CTNNA3: variants seen among roughly 807,000 people sequenced by gnomAD.
The protein encoded by CTNNA3 is catenin alpha 3, also known as catenin alpha-3.
In CTNNA3, 76 loss-of-function variants were observed where a neutral mutation model predicts 95.7. The ratio of observed to expected loss-of-function variants is 0.79; its 90% CI spans 0.66 to 0.96. CTNNA3 has a LOEUF of 0.96. CTNNA3 is among the 40% of genes least tolerant of loss of function. CTNNA3 has a pLI of 0.00. For missense variants in CTNNA3, 1,191 were observed against 1,089.8 expected (o/e 1.09, Z -1.31); for synonymous variants, 431 against 374.4 (o/e 1.15, Z -1.74).
At chr10:66,506,036 T>C (rs980901225) in intron 11 of CTNNA3, among the ~76,000 whole-genome samples, 10 of 152,160 alleles carry the variant, frequency 6.6e-5, no homozygotes, top group African/African-American at 2.4e-4. Flanking sequence ...CTTCCACTCA[T>C]GGCAGAAGGT....
At chr10:66,687,712 T>C (rs1000653692) in intron 9 of CTNNA3, among the ~76,000 whole-genome samples, 31 of 96,746 alleles carry the variant, frequency 3.2e-4, no homozygotes, top group South Asian at 6.4e-4. Context: ...TATATATATA[T>C]ATATATACAC....
At chr10:66,913,217 C>A (rs1323175053) in intron 7 of CTNNA3, among the ~76,000 whole-genome samples, 1 of 103,590 alleles carries the variant, frequency 9.7e-6, no homozygotes, top group Non-Finnish European at 1.7e-5. Flanking sequence ...CCGGCCTGGG[C>A]GAAAGAGCGA....
At chr10:66,381,813 C>T (rs35823373) in intron 11 of CTNNA3, among the ~76,000 whole-genome samples, 64 of 152,204 alleles carry the variant, frequency 4.2e-4, no homozygotes, top group Non-Finnish European at 6.2e-4. Flanking sequence ...AGTCATGGTC[C>T]AATCTCAACA....
At chr10:67,030,874 G>A (rs1853679165) in intron 7 of CTNNA3, among the ~76,000 whole-genome samples, 1 of 152,042 alleles carries the variant, frequency 6.6e-6, no homozygotes, top group African/African-American at 2.4e-5. Flanking sequence ...TGTGGTGGCG[G>A]GAGTCTGTAA....
At chr10:67,679,797 G>A (rs1305911733) in intron 1 of CTNNA3, among the ~76,000 whole-genome samples, 1 of 152,062 alleles carries the variant, frequency 6.6e-6, no homozygotes, top group African/African-American at 2.4e-5. Context: ...AGTGAATATT[G>A]GTAAAATCTC....
At chr10:67,096,141 A>T (rs548126872) in intron 7 of CTNNA3, among the ~76,000 whole-genome samples, 11 of 151,910 alleles carry the variant, frequency 7.2e-5, no homozygotes, top group Admixed American at 1.3e-4. Flanking sequence ...AGCTATATAT[A>T]TTTTATATGC....
chr10:67,348,003 G>A (rs902348207), intron 5 of CTNNA3, among the ~76,000 whole-genome samples: 4 of 152,082 alleles, frequency 2.6e-5, no homozygotes, highest in African/African-American at 9.7e-5. Context: ...AAAACAAGCA[G>A]CATGCCAAAG....
intron 12 of CTNNA3, among the ~76,000 whole-genome samples, chr10:66,294,987 G>C (rs2091753051): frequency 6.6e-6 from 1 of 151,930 alleles, no homozygotes; most frequent in African/African-American, 2.4e-5. Flanking sequence ...TTGATATTAG[G>C]CTAATTTCCC....
At chr10:66,229,386 T>C (rs2089474227) in intron 13 of CTNNA3, among the ~76,000 whole-genome samples, 1 of 152,154 alleles carries the variant, frequency 6.6e-6, no homozygotes, top group South Asian at 2.1e-4. Flanking sequence ...GGCTCTCTTA[T>C]GCAATTCACG....
chr10:65,967,032 C>T (rs1417349908), intron 16 of CTNNA3, among the ~76,000 whole-genome samples: 1 of 152,180 alleles, frequency 6.6e-6, no homozygotes, highest in Non-Finnish European at 1.5e-5. Context: ...TCTTGGCTCA[C>T]TGCAACCTCT....
chr10:67,693,831 C>A (rs1289954473), intron 1 of CTNNA3, among the ~76,000 whole-genome samples: 1 of 152,166 alleles, frequency 6.6e-6, no homozygotes, highest in African/African-American at 2.4e-5. Flanking sequence ...TTCTCAAACT[C>A]AACAATGACA....
At chr10:66,564,372 A>G (rs1218943352) in intron 10 of CTNNA3, among the ~76,000 whole-genome samples, 1 of 152,160 alleles carries the variant, frequency 6.6e-6, no homozygotes, top group Non-Finnish European at 1.5e-5. Context: ...AGTGTCATAC[A>G]GGTTTCAGCA....
intron 7 of CTNNA3, among the ~76,000 whole-genome samples, chr10:67,143,712 T>C (rs1860705351): frequency 6.6e-6 from 1 of 152,196 alleles, no homozygotes; most frequent in African/African-American, 2.4e-5. Flanking sequence ...GGTCCCATCT[T>C]CAGGCTCCAT....
At chr10:67,252,989 T>C (rs147805032) in intron 5 of CTNNA3, among the ~76,000 whole-genome samples, 1 of 152,332 alleles carries the variant, frequency 6.6e-6, no homozygotes, top group Non-Finnish European at 1.5e-5. Flanking sequence ...ATTCTTACCA[T>C]AGAGCAACCT....
intron 7 of CTNNA3, among the ~76,000 whole-genome samples, chr10:67,003,484 T>C (rs1851796098): frequency 6.6e-6 from 1 of 152,208 alleles, no homozygotes; most frequent in African/African-American, 2.4e-5. Flanking sequence ...CGAATACTTT[T>C]GGGAAACTTT....
At chr10:66,866,930 A>C (rs111664192) in intron 7 of CTNNA3, among the ~76,000 whole-genome samples, 7,924 of 152,108 alleles carry the variant, frequency 0.052, 539 homozygotes, top group African/African-American at 0.15. Flanking sequence ...TGAATCATAG[A>C]GGTGGTTTCC....
At chr10:66,200,388 T>G (rs1282288948) in intron 13 of CTNNA3, among the ~76,000 whole-genome samples, 1 of 152,152 alleles carries the variant, frequency 6.6e-6, no homozygotes, top group Non-Finnish European at 1.5e-5. Context: ...TTCTGAAGCA[T>G]GAACAAAAGT....
At chr10:66,356,123 T>TTTTG (rs1554943252) in intron 12 of CTNNA3, among the ~76,000 whole-genome samples, 1 of 63,110 alleles carries the variant, frequency 1.6e-5, no homozygotes, top group Non-Finnish European at 3.0e-5. Context: ...GCTTGTTTTG[T>TTTTG]TTTTTTTTTT....
chr10:65,982,721 A>ATG lies in CTNNA3; in HGVS notation c.2265+5970_2265+5971insCA, dbSNP rs1001922117. On this transcript the variant is annotated intron_variant, in intron 16 of 17. Transcript: ENST00000433211. The stretch of plus-strand genomic sequence containing the variant: ...TGTGTGTGTGTGTGTGTATATATAT[A>ATG]TATTCATGTAACCAAACACCATCTG... Among the ~76,000 whole-genome samples the ATG allele has an allele frequency of 3.3e-5, 5 of 150,434 alleles. No individual in the cohort carries two copies. The Admixed American group carries it at 3.3e-4, about 10-fold the overall frequency.
Sources: gnomAD v4.1 joint callset for allele counts (sites outside exome capture counted in the v4.1 genomes callset) on GRCh38, gnomAD v4.1.1 for gene constraint, MANE v1.5 for transcripts, NCBI Gene and HGNC (gene_info 2026-07-23, HGNC 2026-07-21) for gene names.